CEP97: variants seen among roughly 807,000 people sequenced by gnomAD.
CEP97 encodes the protein centrosomal protein of 97 kDa.
Under a neutral mutation model 73.1 loss-of-function variants are expected in CEP97, and 43 were observed. The ratio of observed to expected loss-of-function variants is 0.59; its 90% CI spans 0.46 to 0.76. The LOEUF is 0.76. CEP97 is among the 30% of genes least tolerant of loss of function. The pLI is 0.00. For missense variants in CEP97, 939 were observed against 1,014.0 expected (o/e 0.93, Z 1.00); for synonymous variants, 337 against 370.0 (o/e 0.91, Z 1.02).
In CEP97 at chr3:101,732,478, T is replaced by C; in HGVS notation, c.562-10T>C. ...GTCCTTTTGTTCAACAAAGATATCT[T>C]TTGTTCCAGATCTCTTTTTTGGCAT... On this transcript the variant is annotated splice_polypyrimidine_tract_variant and intron_variant, in intron 5 of 10. Transcript: ENST00000341893. 1 of 1,592,038 alleles carries C rather than the reference T, an allele frequency of 6.3e-7. No homozygotes were observed. The highest frequency in any genetic ancestry group is 8.6e-7 in the Non-Finnish European group (1 of 1,162,876).
Position 101,766,946 on chromosome 3 carries a change from T to C in CEP97, c.*1395T>C, listed in dbSNP as rs942351253. 2.0e-5 allele frequency: 3 copies of C among 152,160 alleles called. No homozygotes were observed. The highest frequency in any genetic ancestry group is 4.4e-5 in the Non-Finnish European group (3 of 68,020). The allele number at this position is 152,160 out of a possible 1,614,324, so 9.4% of individuals were successfully genotyped here. On this transcript the variant is annotated 3_prime_UTR_variant, in exon 11 of 11. Transcript: ENST00000341893. ...CATGGTACGTGGCATTTGTTGTTAT[T>C]GTTTTTTAAAGAGATGGAGGCTGGC...
rs563746651 is a variant in CEP97, at chr3:101,767,180, G to A, written c.*1629G>A. 1.2e-4 allele frequency: 19 copies of A among 152,282 alleles called. No individual in the cohort carries two copies. Among genetic ancestry groups the A allele is most frequent in the Admixed American group, 3.3e-4 (5 of 15,288 alleles). 9.4% of individuals were successfully genotyped at this position (152,282 alleles called of 1,614,324 possible). A position where few individuals can be genotyped will look rare whatever the true frequency, so the allele number is the denominator to read the frequency against. On this transcript the variant is annotated 3_prime_UTR_variant, in exon 11 of 11. Transcript: ENST00000341893. The stretch of plus-strand genomic sequence containing the variant: ...AAATACGTAGCACTCAGGTTGAGAC[G>A]ACTTGGATTTTATTCTTAGAAATCC...
rs559175353 is a variant in CEP97, at chr3:101,765,243, A to G, written c.2290A>G (p.Asn764Asp). 8.7e-6 allele frequency: 14 copies of G among 1,614,212 alleles called. No homozygotes were observed. The East Asian group carries it at 8.9e-5, about 10-fold the overall frequency. The stretch of plus-strand genomic sequence containing the variant: ...TGGTGAATGGAATAAGGAAAGCTCA[A>G]ATAACGAGCAGGACAATAGTCTGCT... ...EHGEWNKESS[N>D]NEQDNSLLEQ... is the part of the protein sequence containing the mutation. The change falls in exon 11 of 11, where the codon AAT becomes GAT. Residue 764 changes from asparagine to aspartate, a missense_variant. Asn to Asp is a conservative substitution (Grantham distance 23). Transcript: ENST00000341893.
In CEP97 at chr3:101,758,061, T is replaced by C; in HGVS notation, c.1455T>C (p.Pro485=). The stretch of plus-strand genomic sequence containing the variant: ...AGAAAGCTGGACTATTACCTTGTCC[T>C]GAGCCAACAATAATCAGTGCTATCT... ...VNEKAGLLPC[P]EPTIISAILK... The change falls in exon 9 of 11, where the codon CCT becomes CCC. Residue 485 remains proline, a synonymous_variant. Coordinates refer to ENST00000341893, the MANE Select transcript of CEP97 (RefSeq NM_024548.4). 1 of 1,614,240 alleles carries C rather than the reference T, an allele frequency of 6.2e-7. No individual in the cohort carries two copies. Among genetic ancestry groups the C allele is most frequent in the Non-Finnish European group, 8.5e-7 (1 of 1,180,032 alleles).
chr3:101,742,817 AT>A (rs1553789097), intron 6 of CEP97, among the ~76,000 whole-genome samples: 5 of 152,116 alleles, frequency 3.3e-5, no homozygotes, highest in Non-Finnish European at 7.3e-5. Context: ...ATTTTTAAGA[AT>A]TGTAGAAGTA....
chr3:101,726,570 C>G (rs757130218), intron 1 of CEP97, 24 bp from the exon 2 acceptor site: 4 of 1,546,712 alleles, frequency 2.6e-6, no homozygotes, highest in Non-Finnish European at 3.5e-6. Flanking sequence ...TTTGTGTTTT[C>G]TAACATTTCC....
In CEP97 at chr3:101,732,662, T is replaced by C; in HGVS notation, c.728+8T>C. 6.3e-7 allele frequency: 1 copy of C among 1,596,334 alleles called. No homozygotes were observed. Among genetic ancestry groups the C allele is most frequent in the South Asian group, 1.1e-5 (1 of 89,566 alleles). ...GATTTCTCAGAAGGAAAGGTAAACA[T>C]GTGCTCTTTAACATCACAAATGTTA... On this transcript the variant is annotated splice_region_variant and intron_variant, in intron 6 of 10. Transcript: ENST00000341893.
intron 8 of CEP97, 61 bp from the exon 9 acceptor site, chr3:101,757,573 A>T: frequency 6.8e-7 from 1 of 1,463,158 alleles, no homozygotes; most frequent in Admixed American, 2.1e-5. Flanking sequence ...ATTTCATTAA[A>T]GGGACATAAC....
intron 6 of CEP97, among the ~76,000 whole-genome samples, chr3:101,752,217 T>C (rs1643176071): frequency 6.6e-6 from 1 of 152,226 alleles, no homozygotes; most frequent in Non-Finnish European, 1.5e-5. Flanking sequence ...TTGAATATTA[T>C]TGGCCCCCAC....
chr3:101,760,442 A>G (rs943351703), intron 9 of CEP97, among the ~76,000 whole-genome samples: 1 of 152,204 alleles, frequency 6.6e-6, no homozygotes, highest in Non-Finnish European at 1.5e-5. Context: ...AATTTGGTTC[A>G]GCCAGGAATG....
At chr3:101,745,171 C>A (rs961626521) in intron 6 of CEP97, among the ~76,000 whole-genome samples, 2 of 152,284 alleles carry the variant, frequency 1.3e-5, no homozygotes, top group Middle Eastern at 6.8e-3. Flanking sequence ...AACTCTATTG[C>A]TTAGTTAGAG....
intron 6 of CEP97, among the ~76,000 whole-genome samples, chr3:101,740,308 A>G (rs962424241): frequency 6.6e-6 from 1 of 152,228 alleles, no homozygotes; most frequent in Admixed American, 6.5e-5. Context: ...TGCAAAAATC[A>G]CAAGCATTCC....
intron 6 of CEP97, among the ~76,000 whole-genome samples, chr3:101,739,976 A>C (rs1330140120): frequency 6.6e-6 from 1 of 152,066 alleles, no homozygotes; most frequent in Non-Finnish European, 1.5e-5. Context: ...AACATATCTC[A>C]AAATAATAAG....
At chr3:101,746,102 T>G (rs1195596908) in intron 6 of CEP97, among the ~76,000 whole-genome samples, 1 of 152,384 alleles carries the variant, frequency 6.6e-6, no homozygotes, top group East Asian at 1.9e-4. Context: ...TTTTTATGGC[T>G]GCATAGTATT....
intron 6 of CEP97, among the ~76,000 whole-genome samples, chr3:101,740,068 A>T (rs1278720405): frequency 6.6e-6 from 1 of 152,216 alleles, no homozygotes. Flanking sequence ...CTGGCACAAG[A>T]CAGGGATGCC....
chr3:101,762,607 T>A, intron 10 of CEP97, 47 bp downstream of exon 10: 1 of 1,387,310 alleles, frequency 7.2e-7, no homozygotes, highest in Non-Finnish European at 1.0e-6. Context: ...CAAATACAGA[T>A]TCTATATTCA....
chr3:101,750,704 G>T (rs1377637966), intron 6 of CEP97, among the ~76,000 whole-genome samples: 1 of 152,172 alleles, frequency 6.6e-6, no homozygotes, highest in Admixed American at 6.6e-5. Flanking sequence ...TTGCGTAGAG[G>T]TGTTTGTAGT....
intron 6 of CEP97, among the ~76,000 whole-genome samples, chr3:101,740,959 T>G (rs948743600): frequency 6.6e-6 from 1 of 152,196 alleles, no homozygotes; most frequent in African/African-American, 2.4e-5. Flanking sequence ...AGAGCCTGTA[T>G]AGCCAAGACA....
intron 6 of CEP97, among the ~76,000 whole-genome samples, chr3:101,750,844 T>C (rs1370494365): frequency 2.0e-5 from 3 of 152,220 alleles, no homozygotes; most frequent in African/African-American, 7.2e-5. Flanking sequence ...TCAATTTTGT[T>C]GATCCTTTCA....
Sources: allele counts gnomAD v4.1 joint callset (sites outside exome capture counted in the v4.1 genomes callset), GRCh38; gene constraint gnomAD v4.1.1; transcripts MANE v1.5; gene names NCBI Gene and HGNC (gene_info 2026-07-23, HGNC 2026-07-21).